The following MSH4 variants were observed in gnomAD, a reference collection of about 807,000 sequenced individuals.
MSH4 encodes the protein mutS homolog 4, also known as mutS protein homolog 4.
A neutral mutation model predicts 113.7 loss-of-function variants in MSH4; 106 were observed. That is an observed-to-expected ratio of 0.93 (90% CI 0.80 to 1.10). The LOEUF is 1.10. Among genes scored for constraint, MSH4 ranks in the 50% least tolerant of loss-of-function variants. MSH4 has a pLI of 0.00. For missense variants in MSH4, 1,061 were observed against 1,093.7 expected (o/e 0.97, Z 0.42); for synonymous variants, 368 against 380.2 (o/e 0.97, Z 0.37).
At chr1:75,816,612 C>CT in intron 6 of MSH4, 66 bp downstream of exon 6, 1 of 960,202 alleles carries the variant, frequency 1.0e-6, no homozygotes, top group Non-Finnish European at 1.4e-6. Context: ...TTAATGGTAA[C>CT]TTTAAAGTTC....
At chr1:75,834,156 G>T (rs1158050864) in intron 7 of MSH4, among the ~76,000 whole-genome samples, 1 of 152,248 alleles carries the variant, frequency 6.6e-6, no homozygotes, top group Non-Finnish European at 1.5e-5. Flanking sequence ...AGACATTTAT[G>T]CATCCAACAG....
chr1:75,866,825 A>T (rs915666046), intron 8 of MSH4, among the ~76,000 whole-genome samples: 1 of 152,150 alleles, frequency 6.6e-6, no homozygotes, highest in African/African-American at 2.4e-5. Context: ...TATTAAAAAA[A>T]AAAAAGAAAC....
At position 75,911,004 on chromosome 1, in the gene MSH4, A is replaced by C. The variant is rs201367367; in HGVS notation, c.2620-1692A>C. ...TCAGAAACTTTTAATGATTTATTAC[A>C]AAGTAAAGTTGAACTCCTTTGTCTA... On this transcript the variant is annotated intron_variant, in intron 19 of 19. Coordinates refer to ENST00000263187, the MANE Select transcript of MSH4 (RefSeq NM_002440.4). Among the ~76,000 whole-genome samples the C allele has an allele frequency of 2.0e-5, 3 of 152,096 alleles. No individual in the cohort carries two copies. In the East Asian group the frequency reaches 5.8e-4, roughly 29 times the overall value.
chr1:75,815,576 A>G (rs1224062427), intron 5 of MSH4, among the ~76,000 whole-genome samples: 1 of 152,178 alleles, frequency 6.6e-6, no homozygotes, highest in Non-Finnish European at 1.5e-5. Context: ...GAGACAGAGA[A>G]TGGTATTTTT....
intron 7 of MSH4, among the ~76,000 whole-genome samples, chr1:75,838,685 A>T (rs1650886654): frequency 6.6e-6 from 1 of 152,196 alleles, no homozygotes; most frequent in Non-Finnish European, 1.5e-5. Context: ...CTTCTAGTCT[A>T]AATGAACTTC....
chr1:75,900,063 A>G (rs1652474710), intron 19 of MSH4, among the ~76,000 whole-genome samples: 1 of 151,966 alleles, frequency 6.6e-6, no homozygotes, highest in African/African-American at 2.4e-5. Flanking sequence ...TATATTTTTT[A>G]TAGTTTTCAA....
At chr1:75,842,951 A>G (rs981720469) in intron 7 of MSH4, among the ~76,000 whole-genome samples, 10 of 151,850 alleles carry the variant, frequency 6.6e-5, no homozygotes, top group Non-Finnish European at 8.8e-5. Context: ...CAGTGGTCAC[A>G]CTCCTAGTCT....
chr1:75,796,928 C>A lies in MSH4; in HGVS notation c.-58C>A. 1 of 1,603,112 alleles carries A rather than the reference C, an allele frequency of 6.2e-7. No homozygotes were observed. Among genetic ancestry groups the A allele is most frequent in the Non-Finnish European group, 8.5e-7 (1 of 1,173,856 alleles). On this transcript the variant is annotated 5_prime_UTR_variant, in exon 1 of 20. Coordinates refer to ENST00000263187, the MANE Select transcript of MSH4 (RefSeq NM_002440.4). The stretch of plus-strand genomic sequence containing the variant: ...CAGCGGCGCAGCTTCTGTAGTTGGG[C>A]TACTGGAGGGGTCGCTCAGAAACCT...
At position 75,868,010 on chromosome 1, in the gene MSH4, A is replaced by G. The variant is rs2100561775; in HGVS notation, c.1305+422A>G. ...AGGGTCCAATCCAGGATCATATCTT[A>G]TATTTAATGTCATGTTTTTTAAAAC... On this transcript the variant is annotated intron_variant, in intron 9 of 19. Transcript: ENST00000263187. Among the ~76,000 whole-genome samples, 2 of 152,186 alleles carry G rather than the reference A, an allele frequency of 1.3e-5. 1 individual carries two copies. The highest frequency in any genetic ancestry group is 1.3e-4 in the Admixed American group (2 of 15,268).
intron 2 of MSH4, 50 bp from the exon 3 acceptor site, chr1:75,806,931 A>C (rs1650080361): frequency 2.1e-6 from 3 of 1,460,212 alleles, no homozygotes; most frequent in Non-Finnish European, 1.8e-6. Flanking sequence ...TTAAAAAAAG[A>C]AATGATTATT....
In MSH4 at chr1:75,822,020, G is replaced by A. The variant is rs188207305; in HGVS notation, c.990-389G>A. Among the ~76,000 whole-genome samples, 970 of 152,200 alleles carry A rather than the reference G, an allele frequency of 6.4e-3. 7 individuals are homozygous for A. Among genetic ancestry groups the A allele is most frequent in the Middle Eastern group, 0.024 (7 of 294 alleles). ...TTGCTGGCCAGGCGCGGTGGCTCAC[G>A]CCTGTAATCCCAGCACTTTGGGAGG... On this transcript the variant is annotated intron_variant, in intron 6 of 19. Transcript: ENST00000263187.
At chr1:75,887,435 G>T (rs1652150088) in intron 15 of MSH4, among the ~76,000 whole-genome samples, 1 of 152,034 alleles carries the variant, frequency 6.6e-6, no homozygotes, top group African/African-American at 2.4e-5. Flanking sequence ...TTATAGCAGG[G>T]TGAAGCAGCA....
At position 75,819,999 on chromosome 1, in the gene MSH4, C is replaced by T. The variant is rs541500973; in HGVS notation, c.990-2410C>T. ...CCAAAGTGCTGGGAATACAGGCATGCGCCACCTTGACTGACCAGCATTCTT... is the reference window on the plus strand; with the variant it reads ...CCAAAGTGCTGGGAATACAGGCATGTGCCACCTTGACTGACCAGCATTCTT... On this transcript the variant is annotated intron_variant, in intron 6 of 19. Transcript: ENST00000263187. Among the ~76,000 whole-genome samples, 15 of 152,172 alleles carry T rather than the reference C, an allele frequency of 9.9e-5. No individual in the cohort carries two copies. In the East Asian group the frequency reaches 1.9e-3, roughly 20 times the overall value.
chr1:75,826,439 G>T (rs1292363642), intron 7 of MSH4, among the ~76,000 whole-genome samples: 2 of 152,076 alleles, frequency 1.3e-5, no homozygotes, highest in Admixed American at 6.6e-5. Context: ...TTTTCGAAGG[G>T]TTTTTCATGT....
In MSH4 at chr1:75,890,682, A is replaced by C; in HGVS notation, c.2227-14A>C. ...TTGGTTACAATGAATAAATATTAAA[A>C]TTATATATTTCAGATAGCATATATT... On this transcript the variant is annotated splice_polypyrimidine_tract_variant and intron_variant, in intron 16 of 19. Transcript: ENST00000263187. 3 of 1,367,480 alleles carry C rather than the reference A, an allele frequency of 2.2e-6. No individual in the cohort carries two copies. Among genetic ancestry groups the C allele is most frequent in the Non-Finnish European group, 2.0e-6 (2 of 1,000,064 alleles). 84.7% of individuals were successfully genotyped at this position (1,367,480 alleles called of 1,614,324 possible).
intron 9 of MSH4, among the ~76,000 whole-genome samples, chr1:75,871,816 G>C (rs1253226087): frequency 6.6e-6 from 1 of 152,186 alleles, no homozygotes; most frequent in African/African-American, 2.4e-5. Flanking sequence ...ATTTATATCA[G>C]TGAGAAATTA....
Position 75,879,016 on chromosome 1 carries a change from AAT to A in MSH4, c.1569_1570del (p.Tyr523Ter). ...GGAATGATATCACAACTTGGAGAAAAATATAGTCTACCTTTAAGGACAAGTTT... is the reference window on the plus strand; with the variant it reads ...GGAATGATATCACAACTTGGAGAAAAATAGTCTACCTTTAAGGACAAGTTT... On this transcript the variant is annotated frameshift_variant, in exon 12 of 20. Coordinates refer to ENST00000263187, the MANE Select transcript of MSH4 (RefSeq NM_002440.4). LOFTEE classifies it high-confidence loss of function. The A allele has an allele frequency of 6.2e-7, 1 of 1,610,102 alleles. No individual in the cohort carries two copies. Among genetic ancestry groups the A allele is most frequent in the Non-Finnish European group, 8.5e-7 (1 of 1,177,186 alleles).
intron 2 of MSH4, among the ~76,000 whole-genome samples, chr1:75,805,504 C>T (rs1224002268): frequency 6.6e-6 from 1 of 151,324 alleles, no homozygotes; most frequent in Non-Finnish European, 1.5e-5. Context: ...TCTCCTGCCT[C>T]GGCCTCCCGA....
At chr1:75,905,595 T>C (rs555929509) in intron 19 of MSH4, among the ~76,000 whole-genome samples, 2 of 152,240 alleles carry the variant, frequency 1.3e-5, no homozygotes, top group East Asian at 3.9e-4. Flanking sequence ...ACTTCAGTGT[T>C]TAATTGTTGA....
Sources: gnomAD v4.1 joint callset for allele counts (sites outside exome capture counted in the v4.1 genomes callset) on GRCh38, gnomAD v4.1.1 for gene constraint, MANE v1.5 for transcripts, NCBI Gene and HGNC (gene_info 2026-07-23, HGNC 2026-07-21) for gene names.